The following ANKFN1 variants were observed in gnomAD, a reference collection of about 807,000 sequenced individuals.
ANKFN1 encodes the protein ankyrin repeat and fibronectin type III domain containing 1, also known as ankyrin repeat and fibronectin type-III domain-containing protein 1.
ANKFN1 carries 74 observed loss-of-function variants against 108.7 expected under a neutral mutation model. The observed-to-expected ratio is 0.68, with a 90% confidence interval of 0.56 to 0.83. The LOEUF (loss-of-function observed/expected upper bound fraction) is 0.83, where lower values mean the gene tolerates loss of function less well. Among genes scored for constraint, ANKFN1 ranks in the 40% least tolerant of loss-of-function variants. ANKFN1 has a pLI of 0.00. For missense variants in ANKFN1, 1,505 were observed against 1,382.3 expected (o/e 1.09, Z -1.41); for synonymous variants, 547 against 516.2 (o/e 1.06, Z -0.81).
Position 56,492,224 on chromosome 17 carries a change from G to A in ANKFN1, c.2298G>A (p.Leu766=), listed in dbSNP as rs2051061822. The A allele has an allele frequency of 1.4e-6, 1 of 702,340 alleles. No homozygotes were observed. The highest frequency in any genetic ancestry group is 2.0e-5 in the Admixed American group (1 of 49,992). The allele number at this position is 702,340 out of a possible 1,614,324, so 43.5% of individuals were successfully genotyped here. The change falls in exon 19 of 21, where the codon CTG becomes CTA. Residue 766 remains leucine (L), a synonymous_variant. Transcript: ENST00000682825. ...GCTACAGAGAGAAATTTATTAGTCT[G>A]TATTGCCGCCTTTCTGCTGTTGTGG... The part of the protein sequence containing the change: ...FCSYREKFIS[L]YCRLSAVVEL...
At chr17:56,256,506 T>G (rs2043360888) in intron 3 of ANKFN1, among the ~76,000 whole-genome samples, 1 of 152,094 alleles carries the variant, frequency 6.6e-6, no homozygotes, top group South Asian at 2.1e-4. Flanking sequence ...GTCTCACATT[T>G]TGAAGGTGTA....
At chr17:56,144,540 C>T (rs752087125) in intron 4 of ANKFN1, among the ~76,000 whole-genome samples, 42 of 152,128 alleles carry the variant, frequency 2.8e-4, no homozygotes, top group Non-Finnish European at 5.4e-4. Flanking sequence ...CGCGGGAGTC[C>T]CTAGAATGAG....
intron 11 of ANKFN1, among the ~76,000 whole-genome samples, chr17:56,453,683 G>A (rs1286788483): frequency 6.6e-6 from 1 of 152,098 alleles, no homozygotes; most frequent in Non-Finnish European, 1.5e-5. Context: ...ACAGCATCCT[G>A]AAAGGGGGCT....
At chr17:56,249,127 T>C (rs1272305471) in intron 3 of ANKFN1, among the ~76,000 whole-genome samples, 1 of 152,136 alleles carries the variant, frequency 6.6e-6, no homozygotes, top group African/African-American at 2.4e-5. Context: ...TTTGAAATTT[T>C]CCTAAGAGAA....
chr17:56,359,882 T>G (rs987960564), intron 6 of ANKFN1, among the ~76,000 whole-genome samples: 1 of 152,156 alleles, frequency 6.6e-6, no homozygotes, highest in African/African-American at 2.4e-5. Context: ...AGTGCTGCCA[T>G]TGCTCTGAAC....
intron 10 of ANKFN1, among the ~76,000 whole-genome samples, chr17:56,447,650 A>G (rs2145193857): frequency 6.6e-6 from 1 of 152,288 alleles, no homozygotes. Context: ...CTTCATAGGT[A>G]ATCAGCTGAT....
chr17:56,336,400 G>C (rs559834366), intron 4 of ANKFN1, among the ~76,000 whole-genome samples: 3 of 152,264 alleles, frequency 2.0e-5, no homozygotes, highest in South Asian at 4.1e-4. Context: ...TTCAGAGTCT[G>C]TTATTGGTCT....
At chr17:56,467,811 A>AGAAAGAAAG (rs1568026547) in intron 15 of ANKFN1, among the ~76,000 whole-genome samples, 15 of 36,486 alleles carry the variant, frequency 4.1e-4, no homozygotes, top group African/African-American at 2.2e-3. Flanking sequence ...AGAAAGAAAG[A>AGAAAGAAAG]AAGAAAGAAA....
intron 8 of ANKFN1, among the ~76,000 whole-genome samples, chr17:56,439,205 G>A (rs188745018): frequency 4.1e-4 from 62 of 152,288 alleles, no homozygotes; most frequent in Non-Finnish European, 7.5e-4. Flanking sequence ...CTCGAGGGGC[G>A]CAGCAGGCTT....
chr17:56,164,507 C>A (rs1200230142), intron 1 of ANKFN1, among the ~76,000 whole-genome samples: 1 of 152,030 alleles, frequency 6.6e-6, no homozygotes, highest in Non-Finnish European at 1.5e-5. Context: ...CAGTAGCTGG[C>A]ACATGATTAA....
chr17:56,510,777 C>T lies in ANKFN1; in HGVS notation c.2949C>T (p.His983=), dbSNP rs1440006518. 2.6e-6 allele frequency: 4 copies of T among 1,536,064 alleles called. No individual in the cohort carries two copies. The highest frequency in any genetic ancestry group is 2.4e-5 in the East Asian group (1 of 40,906). ...TCACGGGGTTCACACCCAAGAACCA[C>T]GCCAAGACTGTGTCCGGTGGGCGGC... The part of the protein sequence containing the change: ...LTLTGFTPKN[H]AKTVSGGRPP... The change falls in exon 21 of 21, where the codon CAC becomes CAT. Residue 983 remains histidine, a synonymous_variant. Transcript: ENST00000682825.
At chr17:56,288,976 A>C (rs2044291114) in intron 3 of ANKFN1, among the ~76,000 whole-genome samples, 2 of 152,198 alleles carry the variant, frequency 1.3e-5, no homozygotes, top group Admixed American at 1.3e-4. Context: ...TAGCTTCAGC[A>C]CAATCACCCA....
At chr17:56,504,635 T>C (rs2051490349) in intron 20 of ANKFN1, among the ~76,000 whole-genome samples, 1 of 152,106 alleles carries the variant, frequency 6.6e-6, no homozygotes, top group South Asian at 2.1e-4. Flanking sequence ...ATATCTTCTG[T>C]TTTTAAGGCA....
At chr17:56,348,901 C>A (rs1263737857) in intron 4 of ANKFN1, among the ~76,000 whole-genome samples, 1 of 152,030 alleles carries the variant, frequency 6.6e-6, no homozygotes, top group East Asian at 1.9e-4. Flanking sequence ...GAATATAAAC[C>A]ATTCTATTAT....
At chr17:56,048,526 C>T (rs554947495) in intron 4 of ANKFN1, among the ~76,000 whole-genome samples, 20 of 152,168 alleles carry the variant, frequency 1.3e-4, no homozygotes, top group South Asian at 1.0e-3. Flanking sequence ...TATACTGGCC[C>T]CCTTTTTTAA....
intron 3 of ANKFN1, among the ~76,000 whole-genome samples, chr17:56,290,744 C>T (rs1176300124): frequency 6.6e-6 from 1 of 152,162 alleles, no homozygotes; most frequent in Non-Finnish European, 1.5e-5. Context: ...TAACTAATTT[C>T]ATTAGCCACT....
intron 8 of ANKFN1, among the ~76,000 whole-genome samples, chr17:56,389,008 C>CAAA (rs61666228): frequency 1.1e-5 from 1 of 92,992 alleles, no homozygotes; most frequent in Non-Finnish European, 2.3e-5. Flanking sequence ...TTGGCAATTT[C>CAAA]AAAAAAAAAA....
At chr17:56,297,849 A>G (rs2144348894) in intron 3 of ANKFN1, among the ~76,000 whole-genome samples, 1 of 152,328 alleles carries the variant, frequency 6.6e-6, no homozygotes, top group South Asian at 2.1e-4. Context: ...GTATAGAAAA[A>G]CTGTACAACA....
At chr17:56,280,008 C>CTTTTTTTTTTTTTTTTTTTTT (rs3086033) in intron 3 of ANKFN1, among the ~76,000 whole-genome samples, 11 of 134,850 alleles carry the variant, frequency 8.2e-5, no homozygotes, top group African/African-American at 2.9e-4. Flanking sequence ...CACATAATGT[C>CTTTTTTTTTTTTTTTTTTTTT]TTTTTTTTTT....
Sources: allele counts gnomAD v4.1 joint callset (sites outside exome capture counted in the v4.1 genomes callset), GRCh38; gene constraint gnomAD v4.1.1; transcripts MANE v1.5; gene names NCBI Gene and HGNC (gene_info 2026-07-23, HGNC 2026-07-21).